The following RAB8A variants were observed in gnomAD, a reference collection of about 807,000 sequenced individuals.
RAB8A encodes the protein RAB8A, member RAS oncogene family.
Under a neutral mutation model 29.2 loss-of-function variants are expected in RAB8A, and 5 were observed. The observed-to-expected ratio is 0.17, with a 90% CI of 0.09 to 0.36. The LOEUF (loss-of-function observed/expected upper bound fraction) is 0.36, where lower values mean the gene tolerates loss of function less well. Ranked by LOEUF, RAB8A falls within the 10% of genes least tolerant of loss-of-function variation. RAB8A has a pLI of 1.00. For synonymous variants in RAB8A, 108 were observed against 99.9 expected (o/e 1.08, Z -0.49); for missense variants, 171 against 272.2 (o/e 0.63, Z 2.62).
At chr19:16,124,990 G>GGT in intron 3 of RAB8A, 51 of 204,602 alleles carry the variant, frequency 2.5e-4, no homozygotes, top group Middle Eastern at 2.2e-3. Context: ...TGTGGATGTC[G>GGT]GGTCAGGACT....
Position 16,132,226 on chromosome 19 carries a change from C to T in RAB8A, c.546C>T (p.Pro182=). 1.2e-6 allele frequency: 2 copies of T among 1,614,056 alleles called. No individual in the cohort carries two copies. The highest frequency in any genetic ancestry group is 1.7e-6 in the Non-Finnish European group (2 of 1,179,974). The change falls in exon 8 of 8, where the codon CCC becomes CCT. Residue 182 remains proline (P), a synonymous_variant. Coordinates refer to ENST00000300935, the MANE Select transcript of RAB8A (RefSeq NM_005370.5). The surrounding 1 kb of genome is among the most constrained non-coding windows in gnomAD (Gnocchi z 5.6). ...KMDKKLEGNS[P]QGSNQGVKIT... ...TGTGATTTCAGGAAGGCAACAGCCC[C>T]CAGGGGAGCAACCAGGGAGTCAAAA...
chr19:16,128,331 C>T (rs118075672), intron 6 of RAB8A, among the ~76,000 whole-genome samples: 185 of 152,324 alleles, frequency 1.2e-3, no homozygotes, highest in Non-Finnish European at 2.3e-3. Context: ...ACGCATCTCA[C>T]GGGCTCTTGG....
Position 16,125,974 on chromosome 19 carries a change from G to A in RAB8A, c.324+427G>A, listed in dbSNP as rs2090899377. The A allele has an allele frequency of 3.2e-6, 1 of 316,680 alleles. No homozygotes were observed. The highest frequency in any genetic ancestry group is 6.4e-6 in the Non-Finnish European group (1 of 156,920). 19.6% of individuals were successfully genotyped at this position (316,680 alleles called of 1,614,324 possible). A position where few individuals can be genotyped will look rare whatever the true frequency, so the allele number is the denominator to read the frequency against. ...GGGTGTGACCTGGTACAAACGACCT[G>A]TGTTCAGACCTTGAACCATAGAGCA... On this transcript the variant is annotated intron_variant, in intron 4 of 7. Transcript: ENST00000300935. The surrounding 1 kb of genome is among the most constrained non-coding windows in gnomAD (Gnocchi z 5.0).
intron 1 of RAB8A, chr19:16,112,442 A>G (rs938392477): frequency 1.5e-5 from 3 of 197,830 alleles, no homozygotes; most frequent in East Asian, 1.4e-4. Context: ...AGCATTTACT[A>G]TGTGCCAAGT....
Position 16,111,928 on chromosome 19 carries a change from C to T in RAB8A, c.27C>T (p.Phe9=), listed in dbSNP as rs2233144. Residue 9 remains phenylalanine (F), a synonymous_variant, in exon 1 of 8, where the codon TTC becomes TTT. Transcript: ENST00000300935. Reference sequence around the variant, plus strand: ...TGGCGAAGACCTACGATTACCTGTTCAAGCTGCTGCTGATCGGGGACTCGG... The same window carrying T: ...TGGCGAAGACCTACGATTACCTGTTTAAGCTGCTGCTGATCGGGGACTCGG... MAKTYDYL[F]KLLLIGDSGV... 8.7e-3 allele frequency: 13,963 copies of T among 1,614,014 alleles called. 76 individuals carry two copies. Among genetic ancestry groups the T allele is most frequent in the Non-Finnish European group, 0.01 (12,211 of 1,179,890 alleles).
In RAB8A at chr19:16,127,647, C is replaced by T. The variant is rs1332271981; in HGVS notation, c.414+121C>T. On this transcript the variant is annotated intron_variant, in intron 5 of 7. Transcript: ENST00000300935. This position sits in a 1 kb window ranked among gnomAD's most constrained non-coding sequence, Gnocchi z 4.8. ...ACGAGTTGGTCACCCCAGTGGGGCACGTGCCATGGGATGACAGAAGCACAC... is the reference window on the plus strand; with the variant it reads ...ACGAGTTGGTCACCCCAGTGGGGCATGTGCCATGGGATGACAGAAGCACAC... 7 of 770,830 alleles carry T rather than the reference C, an allele frequency of 9.1e-6. No homozygotes were observed. The highest frequency in any genetic ancestry group is 2.7e-5 in the East Asian group (1 of 36,636). 47.7% of individuals were successfully genotyped at this position (770,830 alleles called of 1,614,324 possible). A position where few individuals can be genotyped will look rare whatever the true frequency, so the allele number is the denominator to read the frequency against.
intron 1 of RAB8A, among the ~76,000 whole-genome samples, chr19:16,114,517 C>A: frequency 6.7e-6 from 1 of 150,136 alleles, no homozygotes; most frequent in African/African-American, 2.4e-5. Context: ...GCTGGGATTA[C>A]AAGCACCTGC....
At chr19:16,116,329 G>T (rs2090845517) in intron 1 of RAB8A, among the ~76,000 whole-genome samples, 1 of 152,182 alleles carries the variant, frequency 6.6e-6, no homozygotes, top group Non-Finnish European at 1.5e-5. Context: ...TGACACACAT[G>T]AGCAGCTGTT....
intron 4 of RAB8A, chr19:16,126,293 C>T (rs535032771): frequency 6.4e-6 from 1 of 155,044 alleles, no homozygotes; most frequent in Non-Finnish European, 1.4e-5. Context: ...CCCCAGTGAC[C>T]CTGAGAGGGC....
At chr19:16,131,618 T>G (rs2090924721) in intron 7 of RAB8A, among the ~76,000 whole-genome samples, 1 of 150,878 alleles carries the variant, frequency 6.6e-6, no homozygotes, top group African/African-American at 2.4e-5. Context: ...AAGGGATGGA[T>G]GGATGGTTGG....
Position 16,129,576 on chromosome 19 carries a change from A to G in RAB8A, c.503A>G (p.Asp168Gly). The change falls in exon 7 of 8, where the codon GAT becomes GGT. Residue 168 changes from aspartate (D) to glycine (G), a missense_variant. Physicochemically the swap from Asp to Gly is moderately conservative, Grantham distance 94. This residue lies in a region of RAB8A where 145 missense variants were observed against 212.8 expected (regional missense o/e 0.68). Transcript: ENST00000300935. ...VENAFFTLAR[D>G]IKAKMDKKLE... ...CAGGCATTTTTCACTCTCGCCAGAGATATCAAAGCAAAAATGGACAAAAAA... is the reference window on the plus strand; with the variant it reads ...CAGGCATTTTTCACTCTCGCCAGAGGTATCAAAGCAAAAATGGACAAAAAA... 6.2e-7 allele frequency: 1 copy of G among 1,614,134 alleles called. No individual in the cohort carries two copies. The highest frequency in any genetic ancestry group is 8.5e-7 in the Non-Finnish European group (1 of 1,180,006).
Position 16,111,987 on chromosome 19 carries a change from C to T in RAB8A, c.86C>T (p.Ser29Phe). Residue 29 changes from serine to phenylalanine, a missense_variant, in exon 1 of 8, where the codon TCC (serine) becomes TTC (phenylalanine). Coordinates refer to ENST00000300935, the MANE Select transcript of RAB8A (RefSeq NM_005370.5). ...AAGACCTGTGTCCTGTTCCGCTTCT[C>T]CGAGGACGCCTTCAACTCCACTTTT... ...VGKTCVLFRF[S>F]EDAFNSTFIS... 1 of 1,614,056 alleles carries T rather than the reference C, an allele frequency of 6.2e-7. No homozygotes were observed. Among genetic ancestry groups the T allele is most frequent in the Non-Finnish European group, 8.5e-7 (1 of 1,179,902 alleles).
chr19:16,128,710 GCCTTGC>G (rs1281032450), intron 6 of RAB8A, among the ~76,000 whole-genome samples: 1 of 152,190 alleles, frequency 6.6e-6, no homozygotes, highest in Non-Finnish European at 1.5e-5. Flanking sequence ...CAGGGCTCAG[GCCTTGC>G]CCTCCCCAGG....
At position 16,125,386 on chromosome 19, in the gene RAB8A, C is replaced by T. The variant is rs2144992822; in HGVS notation, c.247-84C>T. ...GGCTGTGCAGTGGGTGCTGGGCTCC[C>T]CACCACTGTTCTCTGGTGCCGCTGA... On this transcript the variant is annotated intron_variant, in intron 3 of 7. Transcript: ENST00000300935. This position sits in a 1 kb window ranked among gnomAD's most constrained non-coding sequence, Gnocchi z 5.0. The T allele has an allele frequency of 1.6e-6, 2 of 1,239,578 alleles. No individual in the cohort carries two copies. The highest frequency in any genetic ancestry group is 2.6e-5 in the South Asian group (2 of 77,634). 76.8% of individuals were successfully genotyped at this position (1,239,578 alleles called of 1,614,324 possible). A position where few individuals can be genotyped will look rare whatever the true frequency, so the allele number is the denominator to read the frequency against.
Position 16,129,705 on chromosome 19 carries a change from G to T in RAB8A, c.531+101G>T, listed in dbSNP as rs2090917112. The T allele has an allele frequency of 3.1e-5, 36 of 1,179,414 alleles. 1 individual carries two copies. In the South Asian group the frequency reaches 4.4e-4, roughly 14 times the overall value. The allele number at this position is 1,179,414 out of a possible 1,614,324, so 73.1% of individuals were successfully genotyped here. On this transcript the variant is annotated intron_variant, in intron 7 of 7. Coordinates refer to ENST00000300935, the MANE Select transcript of RAB8A (RefSeq NM_005370.5). The stretch of plus-strand genomic sequence containing the variant: ...CGTGCCCTAGATCCTGCTTTTTAGG[G>T]CCCAGCCAGACCCCATGGGACATTG...
intron 2 of RAB8A, among the ~76,000 whole-genome samples, chr19:16,120,218 G>A (rs954296137): frequency 7.9e-5 from 12 of 152,090 alleles, no homozygotes; most frequent in Non-Finnish European, 1.3e-4. Context: ...AGAGCCCTCC[G>A]GGTCCCAGCA....
At chr19:16,113,610 C>A (rs200530647) in intron 1 of RAB8A, among the ~76,000 whole-genome samples, 2 of 152,168 alleles carry the variant, frequency 1.3e-5, no homozygotes, top group Non-Finnish European at 2.9e-5. Context: ...CTGTGTTGGT[C>A]AGGCTGGTCT....
intron 3 of RAB8A, chr19:16,123,963 A>G (rs2090886046): frequency 6.6e-6 from 1 of 152,010 alleles, no homozygotes; most frequent in Non-Finnish European, 1.5e-5. Context: ...AGAGAGCTCT[A>G]CCCACTGCCC....
At position 16,111,907 on chromosome 19, in the gene RAB8A, G is replaced by T; in HGVS notation, c.6G>T (p.Ala2=). M[A]KTYDYLFKLL... is the part of the protein sequence containing the mutation. The stretch of plus-strand genomic sequence containing the variant: ...CGTCGGGGAGAGAGTGTAATATGGC[G>T]AAGACCTACGATTACCTGTTCAAGC... Residue 2 remains alanine, a synonymous_variant, in exon 1 of 8, where the codon GCG becomes GCT. Transcript: ENST00000300935. 6.2e-7 allele frequency: 1 copy of T among 1,614,008 alleles called. No homozygotes were observed. The highest frequency in any genetic ancestry group is 1.1e-5 in the South Asian group (1 of 91,082).
Sources: allele counts gnomAD v4.1 joint callset (sites outside exome capture counted in the v4.1 genomes callset), GRCh38; gene constraint gnomAD v4.1.1; regional missense constraint gnomAD v4.1.1; non-coding constraint Gnocchi (gnomAD v3.1); transcripts MANE v1.5; gene names NCBI Gene and HGNC (gene_info 2026-07-23, HGNC 2026-07-21).